Variants in NTM observed in about 807,000 individuals in gnomAD.
The protein encoded by NTM is IgLON family member 2.
In NTM, 13 loss-of-function variants were observed where a neutral mutation model predicts 42.1. The ratio of observed to expected loss-of-function variants is 0.31; its 90% confidence interval spans 0.20 to 0.49. The LOEUF is 0.49. NTM is among the 20% of genes least tolerant of loss of function. NTM has a pLI of 0.99. For missense variants in NTM, 373 were observed against 452.8 expected (o/e 0.82, Z 1.60); for synonymous variants, 187 against 179.2 (o/e 1.04, Z -0.35).
At chr11:132,049,686 G>T (rs1018674164) in intron 2 of NTM, among the ~76,000 whole-genome samples, 1 of 152,200 alleles carries the variant, frequency 6.6e-6, no homozygotes, top group Non-Finnish European at 1.5e-5. Context: ...CTGGTGGGAT[G>T]TGACACCTCT....
intron 1 of NTM, among the ~76,000 whole-genome samples, chr11:131,671,759 G>A (rs969912340): frequency 1.3e-5 from 2 of 152,242 alleles, no homozygotes. Flanking sequence ...ATCGAAAGTG[G>A]CAAAGAGAAG....
intron 1 of NTM, among the ~76,000 whole-genome samples, chr11:131,854,293 G>A (rs1456719030): frequency 6.6e-6 from 1 of 152,182 alleles, no homozygotes; most frequent in Non-Finnish European, 1.5e-5. Flanking sequence ...TTCCTTTAGG[G>A]AGCTACCAGC....
At chr11:131,439,552 G>C (rs1177739408) in intron 1 of NTM, among the ~76,000 whole-genome samples, 1 of 152,236 alleles carries the variant, frequency 6.6e-6, no homozygotes, top group Non-Finnish European at 1.5e-5. Flanking sequence ...CTGCCTTGCA[G>C]GTTGATCTCA....
chr11:131,550,380 G>C (rs1215465946), intron 1 of NTM, among the ~76,000 whole-genome samples: 2 of 152,156 alleles, frequency 1.3e-5, no homozygotes, highest in Non-Finnish European at 1.5e-5. Flanking sequence ...TGTCAAATTG[G>C]AATCCCCAGT....
intron 1 of NTM, among the ~76,000 whole-genome samples, chr11:131,504,463 G>A (rs114441301): frequency 4.7e-4 from 71 of 152,262 alleles, no homozygotes; most frequent in African/African-American, 1.5e-3. Context: ...TTCCCGGATC[G>A]AATTTCTTGG....
At chr11:132,286,786 A>G (rs1232821545) in intron 4 of NTM, among the ~76,000 whole-genome samples, 2 of 152,164 alleles carry the variant, frequency 1.3e-5, no homozygotes, top group African/African-American at 4.8e-5. Context: ...GACCACCATG[A>G]CAATGGTGTA....
At chr11:131,567,694 G>A (rs551036025) in intron 1 of NTM, among the ~76,000 whole-genome samples, 2 of 152,330 alleles carry the variant, frequency 1.3e-5, no homozygotes, top group South Asian at 2.1e-4. Flanking sequence ...CTAAATGGAA[G>A]TATGAGCCTG....
intron 1 of NTM, among the ~76,000 whole-genome samples, chr11:131,783,376 T>C (rs2088542049): frequency 6.6e-6 from 1 of 152,242 alleles, no homozygotes; most frequent in South Asian, 2.1e-4. Flanking sequence ...TGGAAGATGA[T>C]AGTTTTAAGG....
intron 1 of NTM, among the ~76,000 whole-genome samples, chr11:131,562,827 G>C (rs1474238837): frequency 6.6e-6 from 1 of 152,120 alleles, no homozygotes; most frequent in African/African-American, 2.4e-5. Flanking sequence ...GCTCTACCTG[G>C]CGACAAACAG....
chr11:131,636,341 T>G (rs1398759708), intron 1 of NTM, among the ~76,000 whole-genome samples: 1 of 152,172 alleles, frequency 6.6e-6, no homozygotes, highest in Non-Finnish European at 1.5e-5. Flanking sequence ...TGCAGCAGAT[T>G]CGTTCCAGGA....
chr11:131,619,450 G>A (rs957143512), intron 1 of NTM, among the ~76,000 whole-genome samples: 2 of 152,160 alleles, frequency 1.3e-5, no homozygotes, highest in Non-Finnish European at 2.9e-5. Context: ...CAGAGGATGA[G>A]CAACTCTTTT....
Position 132,163,292 on chromosome 11 carries a change from T to C in NTM, c.400+16778T>C, listed in dbSNP as rs139552330. ...GGGTCCTTTCCTAGGGCACAATGAC[T>C]CGGGTGCCCCTAGCTAGTCTAGTCA... On this transcript the variant is annotated intron_variant, in intron 3 of 8. Coordinates refer to ENST00000683400, the MANE Select transcript of NTM (RefSeq NM_001352005.2). Among the ~76,000 whole-genome samples the C allele has an allele frequency of 2.5e-3, 375 of 152,326 alleles. 2 individuals are homozygous for C. The highest frequency in any genetic ancestry group is 8.6e-3 in the African/African-American group (358 of 41,592).
chr11:132,295,673 G>C (rs2094584752), intron 4 of NTM, among the ~76,000 whole-genome samples: 1 of 152,124 alleles, frequency 6.6e-6, no homozygotes, highest in Non-Finnish European at 1.5e-5. Flanking sequence ...CGTGTTTTAG[G>C]AACTTCACTG....
intron 1 of NTM, among the ~76,000 whole-genome samples, chr11:131,547,333 G>A (rs1223953476): frequency 6.6e-6 from 1 of 152,142 alleles, no homozygotes; most frequent in East Asian, 1.9e-4. Context: ...AAGAGAAAAG[G>A]GGGTAGGAAA....
chr11:131,591,095 T>C (rs1210428263), intron 1 of NTM, among the ~76,000 whole-genome samples: 2 of 152,184 alleles, frequency 1.3e-5, no homozygotes, highest in South Asian at 2.1e-4. Flanking sequence ...GCAGCACTGA[T>C]TCAGCCAGAG....
intron 1 of NTM, among the ~76,000 whole-genome samples, chr11:131,435,055 C>G (rs999793322): frequency 9.2e-5 from 14 of 152,284 alleles, no homozygotes; most frequent in African/African-American, 3.4e-4. Context: ...GAGTCCTTTT[C>G]CCCTTTCTTG....
intron 4 of NTM, among the ~76,000 whole-genome samples, chr11:132,250,730 A>G (rs2091851814): frequency 1.3e-5 from 2 of 151,946 alleles, no homozygotes; most frequent in Non-Finnish European, 2.9e-5. Flanking sequence ...TTTTTCCTCA[A>G]ATATGCTAGT....
intron 1 of NTM, among the ~76,000 whole-genome samples, chr11:131,741,337 C>CACTTGTGG (rs1229000124): frequency 3.3e-5 from 5 of 152,138 alleles, no homozygotes; most frequent in African/African-American, 1.2e-4. Context: ...AGTTCTGTAC[C>CACTTGTGG]ACTTGTGGGA....
intron 2 of NTM, among the ~76,000 whole-genome samples, chr11:132,134,878 T>G (rs2067587201): frequency 6.6e-6 from 1 of 151,600 alleles, no homozygotes; most frequent in Non-Finnish European, 1.5e-5. Flanking sequence ...TCGTATTATA[T>G]AATGACTTCT....
Sources: gnomAD v4.1 joint callset for allele counts (sites outside exome capture counted in the v4.1 genomes callset) on GRCh38, gnomAD v4.1.1 for gene constraint, MANE v1.5 for transcripts, NCBI Gene and HGNC (gene_info 2026-07-23, HGNC 2026-07-21) for gene names.